The following VPS26A variants were observed in gnomAD, a reference collection of about 807,000 sequenced individuals.
VPS26A encodes VPS26 retromer complex component A.
VPS26A carries 22 observed loss-of-function variants against 42.4 expected under a neutral mutation model. The observed-to-expected ratio is 0.52, with a 90% CI of 0.37 to 0.74. The LOEUF (loss-of-function observed/expected upper bound fraction) is 0.74, where lower values mean the gene tolerates loss of function less well. VPS26A is among the 30% of genes least tolerant of loss of function. VPS26A has a pLI of 0.00. For missense variants in VPS26A, 276 were observed against 379.2 expected, an observed-to-expected ratio of 0.73 and a Z score of 2.26; for synonymous variants, 110 against 123.5, an observed-to-expected ratio of 0.89 and a Z score of 0.73.
chr10:69,146,994 C>T (rs1266079541), intron 2 of VPS26A, among the ~76,000 whole-genome samples: 3 of 152,132 alleles, frequency 2.0e-5, no homozygotes, highest in South Asian at 2.1e-4. Flanking sequence ...TTAGAAGAAC[C>T]GCCAAATTTT....
In VPS26A at chr10:69,173,309, TAAG is replaced by T. The variant is rs1323705856; in HGVS notation, c.*2043_*2045del. Among the ~76,000 whole-genome samples, 8 of 152,022 alleles carry T rather than the reference TAAG, an allele frequency of 5.3e-5. No homozygotes were observed. Among genetic ancestry groups the T allele is most frequent in the African/African-American group, 1.7e-4 (7 of 41,396 alleles). On this transcript the variant is annotated 3_prime_UTR_variant, in exon 9 of 9. Coordinates refer to ENST00000263559, the MANE Select transcript of VPS26A (RefSeq NM_004896.5). ...CCGGGTCCTACTCTGACCAATAAAA[TAAG>T]AATCTCAGAGACTGGGCCATAAGCA... is the stretch of plus-strand genomic sequence containing the variant.
intron 1 of VPS26A, among the ~76,000 whole-genome samples, chr10:69,129,164 A>G (rs962710627): frequency 6.6e-6 from 1 of 152,088 alleles, no homozygotes; most frequent in African/African-American, 2.4e-5. Context: ...TTTTCCATCT[A>G]AAATAGACTG....
At chr10:69,164,675 T>TC (rs1841645301) in intron 6 of VPS26A, among the ~76,000 whole-genome samples, 1 of 152,226 alleles carries the variant, frequency 6.6e-6, no homozygotes, top group African/African-American at 2.4e-5. Context: ...AAGGTCTTTT[T>TC]CACACTGAAG....
Position 69,171,096 on chromosome 10 carries a change from A to C in VPS26A, c.871-60A>C, listed in dbSNP as rs1173748961. On this transcript the variant is annotated intron_variant, in intron 8 of 8. Coordinates refer to ENST00000263559, the MANE Select transcript of VPS26A (RefSeq NM_004896.5). ...TATGGTTAAAATTGAAGTGGCAATC[A>C]ATAGAGATAAGGCATCATATCAAAC... 7 of 1,311,166 alleles carry C rather than the reference A, an allele frequency of 5.3e-6. No homozygotes were observed. The East Asian group carries it at 1.7e-4, about 31-fold the overall frequency. The allele number at this position is 1,311,166 out of a possible 1,614,324, so 81.2% of individuals were successfully genotyped here.
At chr10:69,139,499 T>A (rs1365882149) in intron 2 of VPS26A, among the ~76,000 whole-genome samples, 1 of 152,138 alleles carries the variant, frequency 6.6e-6, no homozygotes, top group African/African-American at 2.4e-5. Context: ...AGATGGGGTT[T>A]CACCATATTG....
chr10:69,157,873 A>G (rs1841466117), intron 4 of VPS26A, among the ~76,000 whole-genome samples, 174 bp from the exon 5 acceptor site: 1 of 151,972 alleles, frequency 6.6e-6, no homozygotes, highest in Non-Finnish European at 1.5e-5. Flanking sequence ...ATTTTTTTTC[A>G]TGTTGGGGGC....
intron 8 of VPS26A, 62 bp from the exon 9 acceptor site, chr10:69,171,090 GCAAT>G (rs1176302627): frequency 6.5e-6 from 8 of 1,227,632 alleles, no homozygotes; most frequent in African/African-American, 1.5e-5. Context: ...AATTGAAGTG[GCAAT>G]CAATAGAGAT....
intron 2 of VPS26A, among the ~76,000 whole-genome samples, chr10:69,142,601 C>T (rs986835051): frequency 7.2e-5 from 11 of 151,950 alleles, no homozygotes; most frequent in African/African-American, 1.9e-4. Flanking sequence ...ATCTTGACAA[C>T]GAGCTTGAGG....
intron 2 of VPS26A, among the ~76,000 whole-genome samples, chr10:69,137,451 A>C (rs566583601): frequency 6.6e-6 from 1 of 152,140 alleles, no homozygotes; most frequent in Non-Finnish European, 1.5e-5. Flanking sequence ...TTGTTGTGCT[A>C]TGACTGATAC....
rs1841864686 is a variant in VPS26A, at chr10:69,173,532, A to G, written c.*2263A>G. 6.6e-6 allele frequency among the ~76,000 whole-genome samples: 1 copy of G among 152,188 alleles called. No homozygotes were observed. Among genetic ancestry groups the G allele is most frequent in the African/African-American group, 2.4e-5 (1 of 41,448 alleles). The stretch of plus-strand genomic sequence containing the variant: ...AGCTATTTAGGAAGCTGAGACAGGA[A>G]GATCCCTTTGAGAGGTGAAGCCAGC... On this transcript the variant is annotated 3_prime_UTR_variant, in exon 9 of 9. Coordinates refer to ENST00000263559, the MANE Select transcript of VPS26A (RefSeq NM_004896.5).
At chr10:69,158,307 T>A in intron 5 of VPS26A, 96 bp downstream of exon 5, 1 of 1,041,574 alleles carries the variant, frequency 9.6e-7, no homozygotes, top group Non-Finnish European at 1.3e-6. Context: ...GAATTGACAT[T>A]AATCTGATGT....
intron 2 of VPS26A, among the ~76,000 whole-genome samples, chr10:69,144,135 T>C (rs1841103521): frequency 6.6e-6 from 1 of 152,224 alleles, no homozygotes; most frequent in African/African-American, 2.4e-5. Context: ...TCAGAAAAAT[T>C]GAGCAGAAAG....
At chr10:69,168,726 AG>A in intron 8 of VPS26A, 95 bp downstream of exon 8, 3 of 1,452,800 alleles carry the variant, frequency 2.1e-6, no homozygotes, top group Non-Finnish European at 2.8e-6. Context: ...AGCGAGTGGG[AG>A]TTTCTAAATA....
At position 69,163,860 on chromosome 10, in the gene VPS26A, G is replaced by A. The variant is rs1208760228; in HGVS notation, c.658+1348G>A. Among the ~76,000 whole-genome samples, 10 of 150,788 alleles carry A rather than the reference G, an allele frequency of 6.6e-5. No homozygotes were observed. The East Asian group carries it at 1.7e-3, about 26-fold the overall frequency. ...GGCTCACTGCAAGCTCCGCCTCCAG[G>A]GTTCACGCCATTCTCCTGCCTCAGC... On this transcript the variant is annotated intron_variant, in intron 6 of 8. Coordinates refer to ENST00000263559, the MANE Select transcript of VPS26A (RefSeq NM_004896.5).
intron 2 of VPS26A, among the ~76,000 whole-genome samples, chr10:69,141,975 C>T (rs760365076): frequency 5.9e-5 from 9 of 152,114 alleles, no homozygotes; most frequent in Non-Finnish European, 1.2e-4. Flanking sequence ...CCTCTGCCTC[C>T]CGGGTTCAAG....
chr10:69,154,966 A>C (rs981181071), intron 2 of VPS26A, among the ~76,000 whole-genome samples: 1 of 151,876 alleles, frequency 6.6e-6, no homozygotes, highest in African/African-American at 2.4e-5. Flanking sequence ...AGGGATTTTG[A>C]GATTATATAT....
In VPS26A at chr10:69,158,176, T is replaced by C; in HGVS notation, c.516T>C (p.Asp172=). The C allele has an allele frequency of 6.2e-7, 1 of 1,608,680 alleles. No individual in the cohort carries two copies. The highest frequency in any genetic ancestry group is 8.5e-7 in the Non-Finnish European group (1 of 1,178,058). ...NSIKMEVGIE[D]CLHIEFEYNK... ...TTAAGATGGAAGTGGGCATTGAAGA[T>C]TGTCTACATATAGAATTTGAATATA... Residue 172 remains aspartate (D), a synonymous_variant, in exon 5 of 9, where the codon GAT becomes GAC. Transcript: ENST00000263559.
intron 2 of VPS26A, among the ~76,000 whole-genome samples, chr10:69,135,890 T>G (rs1840897086): frequency 6.6e-6 from 1 of 152,210 alleles, no homozygotes; most frequent in Non-Finnish European, 1.5e-5. Flanking sequence ...CCATGTGTCC[T>G]GTCTCCATCA....
At chr10:69,152,153 G>A (rs889385415) in intron 2 of VPS26A, among the ~76,000 whole-genome samples, 1 of 152,124 alleles carries the variant, frequency 6.6e-6, no homozygotes, top group African/African-American at 2.4e-5. Context: ...AGGCTGCAGT[G>A]AGTCATGATG....
Sources: gnomAD v4.1 joint callset for allele counts (sites outside exome capture counted in the v4.1 genomes callset) on GRCh38, gnomAD v4.1.1 for gene constraint, MANE v1.5 for transcripts, NCBI Gene and HGNC (gene_info 2026-07-23, HGNC 2026-07-21) for gene names.